Variants in DPP6 observed in about 807,000 individuals in gnomAD.
The protein encoded by DPP6 is dipeptidyl peptidase like 6, also known as A-type potassium channel modulatory protein DPP6.
Under a neutral mutation model 122.6 loss-of-function variants are expected in DPP6, and 69 were observed. The ratio of observed to expected loss-of-function variants is 0.56; its 90% confidence interval spans 0.46 to 0.69. DPP6 has a LOEUF of 0.69. Ranked by LOEUF, DPP6 falls within the 30% of genes least tolerant of loss-of-function variation. The probability of loss-of-function intolerance (pLI) is 0.00; values close to 1 mark genes in which losing one functional copy is unlikely to be tolerated. For synonymous variants in DPP6, 418 were observed against 433.1 expected (o/e 0.97, Z 0.43); for missense variants, 928 against 1,116.9 (o/e 0.83, Z 2.41).
chr7:153,785,431 T>C, the DPP6 span, among the ~76,000 whole-genome samples: 114 of 152,302 alleles, frequency 7.5e-4, no homozygotes, highest in East Asian at 5.0e-3. Context: ...TACACAATTT[T>C]AGTATTTTAT....
Position 154,552,371 on chromosome 7 carries a change from A to AGGG in DPP6, c.552+11746_552+11748dup, listed in dbSNP as rs371063119. ...AAAACCCTTACCTTGGATTGGTAAG[A>AGGG]GGGATACTCGTTCTGAGAAAGACAT... On this transcript the variant is annotated intron_variant, in intron 4 of 25. Coordinates refer to ENST00000377770, the MANE Select transcript of DPP6 (RefSeq NM_130797.4). Among the ~76,000 whole-genome samples the AGGG allele has an allele frequency of 3.7e-3, 571 of 152,356 alleles. 1 individual carries two copies. The highest frequency in any genetic ancestry group is 6.0e-3 in the Non-Finnish European group (411 of 68,038).
chr7:153,991,517 A>G (rs1228615961), intron 1 of DPP6, among the ~76,000 whole-genome samples: 2 of 152,184 alleles, frequency 1.3e-5, no homozygotes, highest in Non-Finnish European at 2.9e-5. Context: ...AAAACGGAGC[A>G]TTGATTTTCT....
chr7:153,990,624 C>T (rs1213147504), intron 1 of DPP6, among the ~76,000 whole-genome samples: 4 of 151,970 alleles, frequency 2.6e-5, no homozygotes, highest in African/African-American at 9.7e-5. Flanking sequence ...GCCCCCTGTC[C>T]AAGGGCCGCC....
At chr7:154,872,032 C>T (rs1198542506) in intron 18 of DPP6, among the ~76,000 whole-genome samples, 1 of 152,208 alleles carries the variant, frequency 6.6e-6, no homozygotes, top group East Asian at 1.9e-4. Flanking sequence ...GCTGTACCAT[C>T]CTTCCCTGGC....
chr7:154,216,076 C>T (rs567139576), intron 1 of DPP6, among the ~76,000 whole-genome samples: 7 of 152,278 alleles, frequency 4.6e-5, no homozygotes, highest in African/African-American at 1.4e-4. Flanking sequence ...GTTCTGTAAG[C>T]ACGTGCCCAG....
At chr7:154,885,994 G>C (rs964937500) in intron 22 of DPP6, among the ~76,000 whole-genome samples, 3 of 152,252 alleles carry the variant, frequency 2.0e-5, no homozygotes, top group Non-Finnish European at 4.4e-5. Flanking sequence ...AAGACCACGA[G>C]TTGGAAACAG....
chr7:154,210,633 A>G (rs1458047603), intron 1 of DPP6, among the ~76,000 whole-genome samples: 2 of 152,116 alleles, frequency 1.3e-5, no homozygotes, highest in East Asian at 1.9e-4. Flanking sequence ...AAAACACAGA[A>G]ATTCGTTAAT....
intron 1 of DPP6, among the ~76,000 whole-genome samples, chr7:153,980,906 G>A (rs188244074): frequency 9.5e-4 from 145 of 152,324 alleles, no homozygotes; most frequent in African/African-American, 3.4e-3. Flanking sequence ...GCCGTGGTCT[G>A]AGAGACTGTT....
At chr7:153,751,010 T>C in the DPP6 span, among the ~76,000 whole-genome samples, 1 of 151,682 alleles carries the variant, frequency 6.6e-6, no homozygotes, top group Middle Eastern at 3.4e-3. Flanking sequence ...AGGTGACGTG[T>C]TGGTGAAAGT....
intron 1 of DPP6, among the ~76,000 whole-genome samples, chr7:154,141,070 G>T (rs1199006121): frequency 6.6e-6 from 1 of 152,168 alleles, no homozygotes; most frequent in African/African-American, 2.4e-5. Context: ...CAGTGAGCAG[G>T]TATGAAGGCA....
chr7:154,004,654 T>C (rs1797832991), intron 1 of DPP6, among the ~76,000 whole-genome samples: 2 of 151,306 alleles, frequency 1.3e-5, no homozygotes, highest in South Asian at 4.2e-4. Flanking sequence ...TTTAAAAGAA[T>C]GTCACTGTGC....
chr7:153,955,037 ACT>A (rs1802396014), intron 1 of DPP6, among the ~76,000 whole-genome samples: 1 of 152,072 alleles, frequency 6.6e-6, no homozygotes, highest in African/African-American at 2.4e-5. Flanking sequence ...TAAAAATTAA[ACT>A]CTGTTCGGCT....
chr7:154,057,862 G>C (rs1048082104), intron 1 of DPP6: 2 of 150,826 alleles, frequency 1.3e-5, no homozygotes, highest in African/African-American at 5.0e-5. Context: ...CAAACTGTGG[G>C]GCCCTGGCTG....
Position 154,030,027 on chromosome 7 carries a change from C to G in DPP6, c.51+142293C>G, listed in dbSNP as rs535918602. Among the ~76,000 whole-genome samples the G allele has an allele frequency of 1.3e-5, 2 of 152,198 alleles. 1 individual carries two copies. Among genetic ancestry groups the G allele is most frequent in the South Asian group, 4.1e-4 (2 of 4,824 alleles). The stretch of plus-strand genomic sequence containing the variant: ...CCTGGGCAACATGGCAAAACCCCAT[C>G]TCTACTAAAAATACAAGAATTAGCC... On this transcript the variant is annotated intron_variant, in intron 1 of 25. Transcript: ENST00000404039.
intron 3 of DPP6, among the ~76,000 whole-genome samples, chr7:154,514,789 C>T (rs985908933): frequency 3.9e-5 from 6 of 152,152 alleles, no homozygotes; most frequent in African/African-American, 1.4e-4. Context: ...ATTTATCTGT[C>T]AATAGAATCT....
intron 3 of DPP6, among the ~76,000 whole-genome samples, chr7:154,479,514 C>T (rs952237203): frequency 7.5e-5 from 11 of 146,656 alleles, no homozygotes; most frequent in South Asian, 2.2e-4. Context: ...GCCGACATTG[C>T]GCCACAGCAC....
chr7:154,348,995 C>G (rs74724111), intron 1 of DPP6, among the ~76,000 whole-genome samples: 158 of 152,262 alleles, frequency 1.0e-3, no homozygotes, highest in African/African-American at 3.7e-3. Flanking sequence ...AAGCATTCAG[C>G]TCAATATAAA....
At chr7:154,621,400 A>G (rs1834643026) in intron 5 of DPP6, among the ~76,000 whole-genome samples, 1 of 152,080 alleles carries the variant, frequency 6.6e-6, no homozygotes. Context: ...ACAGAATCTC[A>G]CTCTGTCGCC....
At chr7:153,912,858 A>G (rs1237815277) in intron 1 of DPP6, among the ~76,000 whole-genome samples, 6 of 152,150 alleles carry the variant, frequency 3.9e-5, no homozygotes, top group African/African-American at 1.2e-4. Context: ...TTAACACTCT[A>G]ATCAGCCCTT....
Sources: allele counts gnomAD v4.1 joint callset (sites outside exome capture counted in the v4.1 genomes callset), GRCh38; gene constraint gnomAD v4.1.1; transcripts MANE v1.5; gene names NCBI Gene and HGNC (gene_info 2026-07-23, HGNC 2026-07-21).